The following SLC6A6 variants were observed in gnomAD, a reference collection of about 807,000 sequenced individuals.
The protein encoded by SLC6A6 is solute carrier family 6 member 6, also known as sodium- and chloride-dependent taurine transporter.
Under a neutral mutation model 68.8 loss-of-function variants are expected in SLC6A6, and 16 were observed. The observed-to-expected ratio is 0.23, with a 90% confidence interval of 0.16 to 0.35. The LOEUF is 0.35. Ranked by LOEUF, SLC6A6 falls within the 10% of genes least tolerant of loss-of-function variation. SLC6A6 has a pLI of 1.00. For missense variants in SLC6A6, 474 were observed against 802.8 expected, an observed-to-expected ratio of 0.59 and a Z score of 4.95; for synonymous variants, 312 against 315.4, an observed-to-expected ratio of 0.99 and a Z score of 0.12.
rs137998552 is a variant in SLC6A6, at chr3:14,427,273, G to A, written c.-12+10820G>A. 1.1e-4 allele frequency among the ~76,000 whole-genome samples: 16 copies of A among 152,204 alleles called. No individual in the cohort carries two copies. In the East Asian group the frequency reaches 2.7e-3, roughly 26 times the overall value. On this transcript the variant is annotated intron_variant, in intron 2 of 14. Coordinates refer to ENST00000622186, the MANE Select transcript of SLC6A6 (RefSeq NM_003043.6). ...TCCCCTTCACACCTGGAGTTTTAACGTACACTTCTCTGGGCACCTGGCCCT... is the reference window on the plus strand; with the variant it reads ...TCCCCTTCACACCTGGAGTTTTAACATACACTTCTCTGGGCACCTGGCCCT...
chr3:14,485,119 T>C lies in SLC6A6; in HGVS notation c.*112T>C. The C allele has an allele frequency of 1.2e-6, 1 of 831,508 alleles. No homozygotes were observed. The highest frequency in any genetic ancestry group is 1.8e-6 in the Non-Finnish European group (1 of 551,544). 51.5% of individuals were successfully genotyped at this position (831,508 alleles called of 1,614,324 possible). A position where few individuals can be genotyped will look rare whatever the true frequency, so the allele number is the denominator to read the frequency against. ...TTGCACTAGGATTTTTTTTTTTTTG[T>C]AATTGTCACAGAAAATGTAATTGTG... On this transcript the variant is annotated 3_prime_UTR_variant, in exon 15 of 15. Coordinates refer to ENST00000622186, the MANE Select transcript of SLC6A6 (RefSeq NM_003043.6).
chr3:14,443,879 G>A lies in SLC6A6; in HGVS notation c.229+16G>A. The A allele has an allele frequency of 1.9e-6, 3 of 1,571,708 alleles. No individual in the cohort carries two copies. The highest frequency in any genetic ancestry group is 2.6e-6 in the Non-Finnish European group (3 of 1,141,452). On this transcript the variant is annotated intron_variant, in intron 3 of 14. Coordinates refer to ENST00000622186, the MANE Select transcript of SLC6A6 (RefSeq NM_003043.6). ...AATGGTGGAGGTGAGCTTGGGCCGG[G>A]CCACAGGGGAGCCCATCCAGTACAA...
intron 2 of SLC6A6, among the ~76,000 whole-genome samples, chr3:14,424,767 C>T (rs552360667): frequency 5.3e-5 from 8 of 152,294 alleles, no homozygotes; most frequent in East Asian, 1.9e-4. Flanking sequence ...ATCACAGGCA[C>T]GGCCACAAGT....
chr3:14,457,896 C>G, intron 5 of SLC6A6, 54 bp from the exon 6 acceptor site: 1 of 1,598,562 alleles, frequency 6.3e-7, no homozygotes, highest in Non-Finnish European at 8.6e-7. Context: ...CCTTGGCTCT[C>G]TCTACTCCAG....
intron 6 of SLC6A6, among the ~76,000 whole-genome samples, chr3:14,463,719 G>A (rs992223083): frequency 6.6e-6 from 1 of 152,072 alleles, no homozygotes; most frequent in Admixed American, 6.5e-5. Context: ...CGCCCTCCAC[G>A]TCTGCCTTCC....
At chr3:14,466,878 GAC>G (rs1700632497) in intron 7 of SLC6A6, among the ~76,000 whole-genome samples, 1 of 152,204 alleles carries the variant, frequency 6.6e-6, no homozygotes, top group South Asian at 2.1e-4. Flanking sequence ...TCATGTCAAG[GAC>G]GTCTGAGGGT....
At chr3:14,475,644 G>C (rs532360443) in intron 10 of SLC6A6, among the ~76,000 whole-genome samples, 137 of 152,276 alleles carry the variant, frequency 9.0e-4, no homozygotes, top group African/African-American at 3.1e-3. Context: ...GGTTTGTGCT[G>C]GTCTTGGCCC....
intron 2 of SLC6A6, among the ~76,000 whole-genome samples, chr3:14,434,305 C>T (rs1209344347): frequency 2.0e-5 from 3 of 152,240 alleles, no homozygotes; most frequent in Non-Finnish European, 4.4e-5. Context: ...TGGCACAGGG[C>T]CTGCCCACAG....
intron 2 of SLC6A6, among the ~76,000 whole-genome samples, chr3:14,428,447 G>T (rs1452313735): frequency 1.3e-5 from 2 of 152,198 alleles, no homozygotes; most frequent in East Asian, 3.8e-4. Flanking sequence ...CTTTCTAAGT[G>T]CCTGCTGTAT....
chr3:14,449,838 G>A lies in SLC6A6; in HGVS notation c.599+2022G>A, dbSNP rs59019337. On this transcript the variant is annotated intron_variant, in intron 5 of 14. Transcript: ENST00000622186. ...GTGATCTCGGCTCACTGCAACCTCC[G>A]ACTCCCTGGTTCAAGCAATTCTCCT... Among the ~76,000 whole-genome samples the A allele has an allele frequency of 8.4e-3, 1,276 of 152,104 alleles. 18 individuals are homozygous for A. Among genetic ancestry groups the A allele is most frequent in the African/African-American group, 0.029 (1,209 of 41,500 alleles).
intron 2 of SLC6A6, among the ~76,000 whole-genome samples, chr3:14,424,257 C>G (rs1026307678): frequency 1.3e-5 from 2 of 152,070 alleles, no homozygotes; most frequent in African/African-American, 2.4e-5. Flanking sequence ...AATGAGCTGC[C>G]CTCTGTCCAG....
chr3:14,414,220 A>G (rs1462970297), intron 1 of SLC6A6, among the ~76,000 whole-genome samples: 4 of 152,100 alleles, frequency 2.6e-5, no homozygotes, highest in African/African-American at 7.2e-5. Flanking sequence ...CCCTGCCCCA[A>G]TGTAGCCATC....
chr3:14,474,997 A>T (rs1056322249), intron 10 of SLC6A6, among the ~76,000 whole-genome samples: 2 of 152,200 alleles, frequency 1.3e-5, no homozygotes, highest in Admixed American at 6.5e-5. Flanking sequence ...GTGGAGGCAG[A>T]TGCCTGTTGC....
At chr3:14,434,196 G>A (rs1699799197) in intron 2 of SLC6A6, among the ~76,000 whole-genome samples, 1 of 152,212 alleles carries the variant, frequency 6.6e-6, no homozygotes, top group Non-Finnish European at 1.5e-5. Flanking sequence ...TTTGAATCCA[G>A]CTGTATGACC....
chr3:14,441,131 C>T (rs544758625), intron 2 of SLC6A6, among the ~76,000 whole-genome samples: 4 of 152,238 alleles, frequency 2.6e-5, no homozygotes, highest in African/African-American at 9.6e-5. Flanking sequence ...GAGGGCAGAG[C>T]CGGGACTCTC....
At chr3:14,440,921 C>T (rs1699968132) in intron 2 of SLC6A6, among the ~76,000 whole-genome samples, 1 of 152,140 alleles carries the variant, frequency 6.6e-6, no homozygotes, top group Non-Finnish European at 1.5e-5. Flanking sequence ...CCACTCTGCC[C>T]TGTTGAAAAC....
chr3:14,416,656 C>T (rs575826080), intron 2 of SLC6A6, among the ~76,000 whole-genome samples: 1 of 152,350 alleles, frequency 6.6e-6, no homozygotes, highest in East Asian at 1.9e-4. Flanking sequence ...CTGCTTGGTC[C>T]CCAGCCAGTC....
rs1051604534 is a variant in SLC6A6, at chr3:14,486,940, T to C, written c.*1933T>C. ...TATCTTGTTCCTGTTTTTCTATGTATTTATGGTTGCCGTTTGTGTCTGATT... is the reference window on the plus strand; with the variant it reads ...TATCTTGTTCCTGTTTTTCTATGTACTTATGGTTGCCGTTTGTGTCTGATT... On this transcript the variant is annotated 3_prime_UTR_variant, in exon 15 of 15. Transcript: ENST00000622186. The C allele has an allele frequency of 6.6e-6, 1 of 152,376 alleles. No homozygotes were observed. Among genetic ancestry groups the C allele is most frequent in the African/African-American group, 2.4e-5 (1 of 41,462 alleles). The allele number at this position is 152,376 out of a possible 1,614,324, so 9.4% of individuals were successfully genotyped here. A position where few individuals can be genotyped will look rare whatever the true frequency, so the allele number is the denominator to read the frequency against.
chr3:14,473,837 A>G (rs1208342033), intron 10 of SLC6A6, among the ~76,000 whole-genome samples: 1 of 152,234 alleles, frequency 6.6e-6, no homozygotes, highest in Non-Finnish European at 1.5e-5. Flanking sequence ...GAAAAAAACA[A>G]AAACAGAGGT....
Sources: allele counts gnomAD v4.1 joint callset (sites outside exome capture counted in the v4.1 genomes callset), GRCh38; gene constraint gnomAD v4.1.1; transcripts MANE v1.5; gene names NCBI Gene and HGNC (gene_info 2026-07-23, HGNC 2026-07-21).